The following RBFOX1 variants were observed in gnomAD, a reference collection of about 807,000 sequenced individuals.
RBFOX1 encodes the protein RNA binding protein fox-1 homolog 1.
A neutral mutation model predicts 57.7 loss-of-function variants in RBFOX1; 8 were observed. The ratio of observed to expected loss-of-function variants is 0.14; its 90% CI spans 0.08 to 0.25. The LOEUF (loss-of-function observed/expected upper bound fraction) is 0.25. Ranked by LOEUF, RBFOX1 falls within the 10% of genes least tolerant of loss-of-function variation. The pLI, the probability that RBFOX1 is intolerant of heterozygous loss-of-function variation, is 1.00. For missense variants in RBFOX1, 611 were observed against 548.5 expected (o/e 1.11, Z -1.14); for synonymous variants, 326 against 222.4 (o/e 1.47, Z -4.15).
chr16:7,045,781 G>A (rs781127168), intron 3 of RBFOX1, among the ~76,000 whole-genome samples: 1 of 151,856 alleles, frequency 6.6e-6, no homozygotes, highest in East Asian at 1.9e-4. Flanking sequence ...TCAGCCTCCT[G>A]AGTAGCTGGG....
rs115516196 is a variant in RBFOX1 at position 6,800,954 on chromosome 16, A to G, written c.-16+146304A>G. Among the ~76,000 whole-genome samples the G allele has an allele frequency of 4.5e-3, 687 of 152,226 alleles. 13 individuals carry two copies. The highest frequency in any genetic ancestry group is 0.016 in the African/African-American group (652 of 41,552). On this transcript the variant is annotated intron_variant, in intron 3 of 15. Coordinates refer to ENST00000550418, the MANE Select transcript of RBFOX1 (RefSeq NM_018723.4). ...CTTGCCCCTGTTTGAGTATCTCTCAAGGGTATCTGACAACAGTGTGGGAAA... is the reference window on the plus strand; with the variant it reads ...CTTGCCCCTGTTTGAGTATCTCTCAGGGGTATCTGACAACAGTGTGGGAAA...
intron 4 of RBFOX1, among the ~76,000 whole-genome samples, chr16:7,187,425 C>G (rs561278102): frequency 3.9e-5 from 6 of 151,982 alleles, no homozygotes; most frequent in African/African-American, 1.2e-4. Flanking sequence ...CACGGTGGCT[C>G]ACGCCTGTAA....
At chr16:6,954,390 G>C (rs1008609298) in intron 3 of RBFOX1, among the ~76,000 whole-genome samples, 1 of 152,106 alleles carries the variant, frequency 6.6e-6, no homozygotes, top group Non-Finnish European at 1.5e-5. Flanking sequence ...GGCATGCATA[G>C]ATGTGTCCCT....
intron 1 of RBFOX1, among the ~76,000 whole-genome samples, chr16:5,317,141 G>A (rs1371926524): frequency 6.6e-6 from 1 of 152,024 alleles, no homozygotes; most frequent in Non-Finnish European, 1.5e-5. Flanking sequence ...AGCCTGTTGT[G>A]AGTCTTCTCA....
At chr16:5,806,133 C>G (rs943787452) in intron 3 of RBFOX1, among the ~76,000 whole-genome samples, 22 of 152,184 alleles carry the variant, frequency 1.4e-4, no homozygotes, top group Admixed American at 3.9e-4. Flanking sequence ...CCTGCCTTCC[C>G]TGTTACCTAC....
intron 3 of RBFOX1, among the ~76,000 whole-genome samples, chr16:5,834,778 ATAG>A (rs2056405479): frequency 4.4e-5 from 1 of 22,784 alleles, no homozygotes; most frequent in Non-Finnish European, 9.7e-5. Context: ...TGCACAGATG[ATAG>A]ATAGATAGAT....
rs183019594 is a variant in RBFOX1 at position 6,868,590 on chromosome 16, G to A, written c.-15-183467G>A. On this transcript the variant is annotated intron_variant, in intron 3 of 15. Transcript: ENST00000550418. ...GGGTTCAAGCAATTCTCCTGCTTTA[G>A]CGTCCTGAGTAGCTGGGATTATAGG... 2.6e-5 allele frequency among the ~76,000 whole-genome samples: 4 copies of A among 152,096 alleles called. No homozygotes were observed. In the East Asian group the frequency reaches 7.7e-4, roughly 29 times the overall value.
intron 1 of RBFOX1, among the ~76,000 whole-genome samples, chr16:6,140,138 CT>C (rs2096704084): frequency 6.6e-6 from 1 of 151,762 alleles, no homozygotes; most frequent in Admixed American, 6.6e-5. Flanking sequence ...TAAGATACTA[CT>C]GTCTGATAAT....
chr16:6,660,019 G>T (rs1053282746), intron 3 of RBFOX1, among the ~76,000 whole-genome samples: 30 of 152,152 alleles, frequency 2.0e-4, no homozygotes, highest in African/African-American at 7.0e-4. Flanking sequence ...AAGATCAGGA[G>T]TTCGAGACCA....
At chr16:7,427,200 C>T (rs79008300) in intron 4 of RBFOX1, among the ~76,000 whole-genome samples, 1 of 152,088 alleles carries the variant, frequency 6.6e-6, no homozygotes, top group African/African-American at 2.4e-5. Flanking sequence ...ACCAACATGG[C>T]ACATGTATAC....
At chr16:7,678,868 T>C (rs1052094617) in intron 14 of RBFOX1, among the ~76,000 whole-genome samples, 7 of 152,228 alleles carry the variant, frequency 4.6e-5, no homozygotes, top group African/African-American at 1.7e-4. Context: ...GCCCTTGTTC[T>C]TGGATTGGTG....
At chr16:6,112,738 C>A (rs533569271) in intron 1 of RBFOX1, among the ~76,000 whole-genome samples, 2 of 152,106 alleles carry the variant, frequency 1.3e-5, no homozygotes, top group Non-Finnish European at 2.9e-5. Flanking sequence ...GGAGTGGAAT[C>A]GTTTTCACAT....
At chr16:6,677,696 G>A (rs1218145222) in intron 3 of RBFOX1, among the ~76,000 whole-genome samples, 1 of 152,172 alleles carries the variant, frequency 6.6e-6, no homozygotes, top group Non-Finnish European at 1.5e-5. Context: ...CCATAGACAT[G>A]TGAGCCATGA....
At chr16:5,958,822 C>A (rs900527849) in intron 4 of RBFOX1, among the ~76,000 whole-genome samples, 1 of 152,176 alleles carries the variant, frequency 6.6e-6, no homozygotes, top group East Asian at 1.9e-4. Context: ...ATCTCTGATA[C>A]TATTGTCTCT....
At chr16:5,630,688 T>G (rs2048479687) in intron 3 of RBFOX1, among the ~76,000 whole-genome samples, 2 of 152,122 alleles carry the variant, frequency 1.3e-5, no homozygotes, top group African/African-American at 4.8e-5. Context: ...AGCCGGCTTC[T>G]TATTCTTTTT....
chr16:6,430,489 C>G (rs961931), intron 2 of RBFOX1, among the ~76,000 whole-genome samples: 3,115 of 152,214 alleles, frequency 0.02, 92 homozygotes, highest in East Asian at 0.13. Context: ...TCTAGGCAAA[C>G]TCAAGTGGAG....
chr16:7,606,284 G>C (rs1254731316), intron 9 of RBFOX1, among the ~76,000 whole-genome samples: 4 of 151,746 alleles, frequency 2.6e-5, no homozygotes, highest in Non-Finnish European at 5.9e-5. Flanking sequence ...ATGATGCCTG[G>C]CTAATTTTTT....
intron 3 of RBFOX1, among the ~76,000 whole-genome samples, chr16:6,951,131 T>C (rs1009985358): frequency 1.3e-5 from 2 of 152,118 alleles, no homozygotes; most frequent in Non-Finnish European, 2.9e-5. Flanking sequence ...GGTCTTAAAC[T>C]CCTGGACTCA....
intron 4 of RBFOX1, among the ~76,000 whole-genome samples, chr16:7,090,739 C>G (rs1367398423): frequency 6.6e-6 from 1 of 152,118 alleles, no homozygotes; most frequent in Non-Finnish European, 1.5e-5. Flanking sequence ...TTTGATTCAC[C>G]AAACTTGGCC....
Sources: allele counts gnomAD v4.1 joint callset (sites outside exome capture counted in the v4.1 genomes callset), GRCh38; gene constraint gnomAD v4.1.1; transcripts MANE v1.5; gene names NCBI Gene and HGNC (gene_info 2026-07-23, HGNC 2026-07-21).